Variants in RERE observed in about 807,000 individuals in gnomAD.
RERE encodes arginine-glutamic acid dipeptide repeats.
In RERE, 40 loss-of-function variants were observed where a neutral mutation model predicts 146.1. The ratio of observed to expected loss-of-function variants is 0.27; its 90% confidence interval spans 0.21 to 0.36. RERE has a LOEUF of 0.36. RERE is among the 10% of genes least tolerant of loss of function. The probability of loss-of-function intolerance (pLI) is 1.00; values close to 1 mark genes in which losing one functional copy is unlikely to be tolerated. For synonymous variants in RERE, 1,003 were observed against 866.0 expected (o/e 1.16, Z -2.78); for missense variants, 1,933 against 2,138.7 (o/e 0.90, Z 1.90).
At chr1:8,415,704 T>C (rs1286520676) in intron 12 of RERE, among the ~76,000 whole-genome samples, 6 of 152,272 alleles carry the variant, frequency 3.9e-5, no homozygotes, top group South Asian at 2.1e-4. Flanking sequence ...CAGTCTCTCA[T>C]AGATTACCCT....
At chr1:8,660,372 G>T (rs538596501) in intron 1 of RERE, among the ~76,000 whole-genome samples, 50 of 152,234 alleles carry the variant, frequency 3.3e-4, no homozygotes, top group Non-Finnish European at 5.4e-4. Context: ...TGCTAGAAAT[G>T]ATCTACAAAG....
intron 1 of RERE, among the ~76,000 whole-genome samples, chr1:8,790,801 G>A (rs1225306537): frequency 6.6e-6 from 1 of 152,144 alleles, no homozygotes; most frequent in African/African-American, 2.4e-5. Flanking sequence ...GGCCAGGCTG[G>A]TCTCAAATTA....
chr1:8,403,761 T>C, intron 12 of RERE, among the ~76,000 whole-genome samples: 1 of 151,790 alleles, frequency 6.6e-6, no homozygotes, highest in East Asian at 1.9e-4. Flanking sequence ...CCTTTATGTT[T>C]CCTTGTTAAA....
intron 4 of RERE, among the ~76,000 whole-genome samples, chr1:8,576,672 T>C (rs887683790): frequency 2.6e-5 from 4 of 152,184 alleles, no homozygotes; most frequent in African/African-American, 4.8e-5. Flanking sequence ...CAAATTAAAC[T>C]TATATGAAGA....
intron 13 of RERE, 74 bp downstream of exon 13, chr1:8,365,738 C>T (rs3765972): frequency 0.19 from 286,464 of 1,542,572 alleles, 29,538 homozygotes; most frequent in African/African-American, 0.36. Flanking sequence ...TCAGCTCCTA[C>T]GGGCCCAGAG....
At chr1:8,747,908 A>AG (rs1640454963) in intron 1 of RERE, among the ~76,000 whole-genome samples, 2 of 151,840 alleles carry the variant, frequency 1.3e-5, no homozygotes, top group African/African-American at 4.8e-5. Flanking sequence ...CCGAGTAGCT[A>AG]GGATTACAGG....
At chr1:8,784,613 T>G (rs918053251) in intron 1 of RERE, among the ~76,000 whole-genome samples, 1 of 152,146 alleles carries the variant, frequency 6.6e-6, no homozygotes, top group Non-Finnish European at 1.5e-5. Context: ...ATTCACAGTT[T>G]TTATCAGATT....
chr1:8,613,356 T>C (rs994260565), intron 4 of RERE, among the ~76,000 whole-genome samples: 1 of 152,186 alleles, frequency 6.6e-6, no homozygotes, highest in Non-Finnish European at 1.5e-5. Context: ...AGTGACGTCC[T>C]GCGGGTCATC....
At position 8,526,084 on chromosome 1, in the gene RERE, G is replaced by A. The variant is rs564569482; in HGVS notation, c.830+15130C>T. The A allele has an allele frequency of 1.6e-4, 187 of 1,141,648 alleles. 1 individual carries two copies. The highest frequency in any genetic ancestry group is 2.0e-4 in the Non-Finnish European group (186 of 930,284). 70.7% of individuals were successfully genotyped at this position (1,141,648 alleles called of 1,614,324 possible). ...AAATAAAGCCCAGCCAACAGACTCT[G>A]CAGCTTCTCCCTGCACACCAAGCTA... On this transcript the variant is annotated intron_variant, in intron 7 of 22. Transcript: ENST00000400908.
At chr1:8,773,012 AG>A (rs1640983828) in intron 1 of RERE, among the ~76,000 whole-genome samples, 1 of 152,076 alleles carries the variant, frequency 6.6e-6, no homozygotes, top group South Asian at 2.1e-4. Flanking sequence ...GCTTGAACCC[AG>A]GAGGTGAAGG....
chr1:8,800,266 A>AAG (rs1641562435), intron 1 of RERE, among the ~76,000 whole-genome samples: 2 of 151,770 alleles, frequency 1.3e-5, no homozygotes, highest in South Asian at 4.2e-4. Context: ...GTCAAAAAAA[A>AAG]AAAAAATACA....
At chr1:8,363,109 G>C (rs1641655038) in intron 15 of RERE, among the ~76,000 whole-genome samples, 1 of 152,256 alleles carries the variant, frequency 6.6e-6, no homozygotes, top group Non-Finnish European at 1.5e-5. Flanking sequence ...GGACTGTCCT[G>C]AACAACGTGT....
chr1:8,615,667 GT>G (rs1646844542), intron 3 of RERE, among the ~76,000 whole-genome samples: 1 of 152,154 alleles, frequency 6.6e-6, no homozygotes, highest in African/African-American at 2.4e-5. Context: ...TTATTAGGGT[GT>G]CCTGTTACAC....
intron 1 of RERE, among the ~76,000 whole-genome samples, chr1:8,702,761 G>A (rs1639480260): frequency 6.6e-6 from 1 of 152,008 alleles, no homozygotes. Context: ...TTTAAATAGT[G>A]TTTTCTCTCC....
chr1:8,591,216 T>TA (rs1646488833), intron 4 of RERE, among the ~76,000 whole-genome samples: 1 of 152,146 alleles, frequency 6.6e-6, no homozygotes, highest in Non-Finnish European at 1.5e-5. Context: ...AGCTGCCAGA[T>TA]AAGGAACGCC....
chr1:8,611,837 A>T (rs1646797197), intron 4 of RERE, among the ~76,000 whole-genome samples: 1 of 152,178 alleles, frequency 6.6e-6, no homozygotes, highest in Non-Finnish European at 1.5e-5. Context: ...TTTCTATGTA[A>T]ATCAGCTGGC....
At chr1:8,400,222 A>ATATGTGTGAGTGTGTG (rs368219880) in intron 12 of RERE, among the ~76,000 whole-genome samples, 1 of 140,062 alleles carries the variant, frequency 7.1e-6, no homozygotes, top group Non-Finnish European at 1.5e-5. Context: ...CCTGTGTCAT[A>ATATGTGTGAGTGTGTG]TGTGTGTGTG....
rs869173167 is a variant in RERE at position 8,774,951 on chromosome 1, C to CTTTTT, written c.-145+42204_-145+42208dup. On this transcript the variant is annotated intron_variant, in intron 1 of 22. Transcript: ENST00000400908. The stretch of plus-strand genomic sequence containing the variant: ...TCATAGTAGCATTTCTTCTTTCTTT[C>CTTTTT]TTTTTTTTTTTTTTTTTTTTTTTTT... Among the ~76,000 whole-genome samples the CTTTTT allele has an allele frequency of 4.2e-3, 200 of 47,912 alleles. 5 individuals carry two copies. Among genetic ancestry groups the CTTTTT allele is most frequent in the Middle Eastern group, 0.022 (2 of 90 alleles). 31.4% of individuals were successfully genotyped at this position (47,912 alleles called of 152,430 possible). A position where few individuals can be genotyped will look rare whatever the true frequency, so the allele number is the denominator to read the frequency against.
intron 8 of RERE, among the ~76,000 whole-genome samples, chr1:8,502,240 C>A (rs1162397705): frequency 1.2e-4 from 13 of 110,798 alleles, no homozygotes; most frequent in South Asian, 3.3e-4. Flanking sequence ...TGGCCAGCCA[C>A]CCCGTCCGGG....
Sources: gnomAD v4.1 joint callset for allele counts (sites outside exome capture counted in the v4.1 genomes callset) on GRCh38, gnomAD v4.1.1 for gene constraint, MANE v1.5 for transcripts, NCBI Gene and HGNC (gene_info 2026-07-23, HGNC 2026-07-21) for gene names.